CNTN5: variants seen among roughly 807,000 people sequenced by gnomAD.
CNTN5 encodes contactin 5, also known as contactin-5.
Under a neutral mutation model 129.1 loss-of-function variants are expected in CNTN5, and 77 were observed. The ratio of observed to expected loss-of-function variants is 0.60; its 90% CI spans 0.50 to 0.72. The LOEUF (loss-of-function observed/expected upper bound fraction) is 0.72. Ranked by LOEUF, CNTN5 falls within the 30% of genes least tolerant of loss-of-function variation. CNTN5 has a pLI of 0.00. For missense variants in CNTN5, 1,478 were observed against 1,328.8 expected (o/e 1.11, Z -1.75); for synonymous variants, 509 against 465.6 (o/e 1.09, Z -1.20).
intron 6 of CNTN5, among the ~76,000 whole-genome samples, chr11:99,906,016 C>T (rs1263849234): frequency 2.0e-5 from 3 of 152,084 alleles, no homozygotes; most frequent in Admixed American, 2.0e-4. Context: ...GCTGAAGTTG[C>T]TTATTAAGGA....
At chr11:99,402,265 A>G (rs6590089) in intron 2 of CNTN5, among the ~76,000 whole-genome samples, 112,679 of 151,788 alleles carry the variant, frequency 0.74, 42,623 homozygotes, top group African/African-American at 0.89. Context: ...TTTTTTAAGC[A>G]TTTTTAACAT....
chr11:99,594,675 G>T (rs1950073020), intron 3 of CNTN5, among the ~76,000 whole-genome samples: 1 of 152,190 alleles, frequency 6.6e-6, no homozygotes, highest in South Asian at 2.1e-4. Context: ...GGTAGCATCA[G>T]GTTTGCCCAG....
intron 1 of CNTN5, among the ~76,000 whole-genome samples, chr11:99,115,094 T>A (rs2135392172): frequency 6.6e-6 from 1 of 152,248 alleles, no homozygotes; most frequent in African/African-American, 2.4e-5. Context: ...TGCTGACACC[T>A]TTAGATTGGA....
At chr11:100,169,193 T>C (rs979540924) in intron 13 of CNTN5, among the ~76,000 whole-genome samples, 1 of 151,974 alleles carries the variant, frequency 6.6e-6, no homozygotes, top group Non-Finnish European at 1.5e-5. Context: ...ATCAACTTTG[T>C]TGATAAAACT....
intron 8 of CNTN5, among the ~76,000 whole-genome samples, chr11:99,957,994 A>G (rs1950847243): frequency 6.6e-6 from 1 of 151,886 alleles, no homozygotes; most frequent in Non-Finnish European, 1.5e-5. Flanking sequence ...ATAGAGATAC[A>G]CAGTATTATA....
In CNTN5 at chr11:99,918,714, A is replaced by T. The variant is rs1056118650; in HGVS notation, c.673+2565A>T. Among the ~76,000 whole-genome samples the T allele has an allele frequency of 1.1e-4, 16 of 152,206 alleles. No homozygotes were observed. The East Asian group carries it at 2.3e-3, about 22-fold the overall frequency. ...TGTACTATAGTAGAGTATAAGTCAGATACAAAAGAATTTCCTTTTCAAAGG... is the reference window on the plus strand; with the variant it reads ...TGTACTATAGTAGAGTATAAGTCAGTTACAAAAGAATTTCCTTTTCAAAGG... On this transcript the variant is annotated intron_variant, in intron 7 of 24. Transcript: ENST00000524871.
chr11:99,914,441 A>C (rs904344172), intron 6 of CNTN5, among the ~76,000 whole-genome samples: 1 of 152,150 alleles, frequency 6.6e-6, no homozygotes, highest in African/African-American at 2.4e-5. Flanking sequence ...TGTTACAGAC[A>C]ATCATGTGTA....
At chr11:99,892,725 T>A (rs576091005) in intron 6 of CNTN5, among the ~76,000 whole-genome samples, 1 of 152,214 alleles carries the variant, frequency 6.6e-6, no homozygotes, top group South Asian at 2.1e-4. Context: ...TTTTTGTTAC[T>A]GTAGCCTTGT....
intron 3 of CNTN5, among the ~76,000 whole-genome samples, chr11:99,620,429 C>A (rs577728751): frequency 1.3e-5 from 2 of 150,214 alleles, no homozygotes; most frequent in Non-Finnish European, 1.5e-5. Context: ...TTATGTCTTT[C>A]ATTTGACATT....
intron 2 of CNTN5, among the ~76,000 whole-genome samples, chr11:99,439,665 G>A (rs183738924): frequency 7.7e-4 from 97 of 126,002 alleles, no homozygotes; most frequent in African/African-American, 2.5e-3. Flanking sequence ...CCAAGATTGC[G>A]CCACTGCACC....
chr11:99,689,388 G>A (rs559701052), intron 3 of CNTN5, among the ~76,000 whole-genome samples: 3 of 151,966 alleles, frequency 2.0e-5, no homozygotes, highest in African/African-American at 4.8e-5. Context: ...TTAGCTGGGC[G>A]TGGTGGTGGG....
At chr11:99,879,705 A>G (rs1361905875) in intron 6 of CNTN5, among the ~76,000 whole-genome samples, 2 of 152,194 alleles carry the variant, frequency 1.3e-5, no homozygotes, top group East Asian at 3.8e-4. Context: ...GTCAAATAGT[A>G]TTAACACTTT....
intron 3 of CNTN5, among the ~76,000 whole-genome samples, chr11:99,806,938 A>G (rs1481121495): frequency 2.0e-5 from 3 of 152,334 alleles, no homozygotes; most frequent in East Asian, 1.9e-4. Context: ...GCTATTATCA[A>G]ATTGGAAGCA....
chr11:99,125,811 C>A (rs1276396409), intron 1 of CNTN5, among the ~76,000 whole-genome samples: 1 of 152,010 alleles, frequency 6.6e-6, no homozygotes, highest in Non-Finnish European at 1.5e-5. Flanking sequence ...TTAATATATT[C>A]TCTTAAATGC....
chr11:99,753,405 A>C (rs897461713), intron 3 of CNTN5, among the ~76,000 whole-genome samples: 1 of 151,318 alleles, frequency 6.6e-6, no homozygotes, highest in African/African-American at 2.4e-5. Context: ...TACAGACGTG[A>C]GCCACCGCGC....
chr11:99,431,962 C>A (rs964260872), intron 2 of CNTN5, among the ~76,000 whole-genome samples: 1 of 151,848 alleles, frequency 6.6e-6, no homozygotes. Flanking sequence ...AATACTCAGT[C>A]CACATGTTTC....
chr11:99,349,161 T>C (rs1938112880), intron 2 of CNTN5, among the ~76,000 whole-genome samples: 1 of 152,154 alleles, frequency 6.6e-6, no homozygotes, highest in Non-Finnish European at 1.5e-5. Context: ...TATTAGTCTA[T>C]GGCCAGACCA....
At chr11:99,234,824 G>A (rs1861184236) in intron 1 of CNTN5, among the ~76,000 whole-genome samples, 1 of 152,054 alleles carries the variant, frequency 6.6e-6, no homozygotes, top group Admixed American at 6.6e-5. Context: ...AGACTCAACT[G>A]ACACAGATAT....
At chr11:99,240,860 G>A (rs2069189) in intron 1 of CNTN5, among the ~76,000 whole-genome samples, 5,672 of 152,152 alleles carry the variant, frequency 0.037, 363 homozygotes, top group African/African-American at 0.13. Flanking sequence ...CGTCTGCCCC[G>A]TAAAACCAAA....
Sources: gnomAD v4.1 joint callset for allele counts (sites outside exome capture counted in the v4.1 genomes callset) on GRCh38, gnomAD v4.1.1 for gene constraint, MANE v1.5 for transcripts, NCBI Gene and HGNC (gene_info 2026-07-23, HGNC 2026-07-21) for gene names.